SUFU: variants seen among roughly 807,000 people sequenced by gnomAD.
SUFU encodes suppressor of fused homolog.
A neutral mutation model predicts 58.9 loss-of-function variants in SUFU; 7 were observed. That is an observed-to-expected ratio of 0.12 (90% confidence interval 0.07 to 0.22). SUFU has a LOEUF of 0.22. Ranked by LOEUF, SUFU falls within the 10% of genes least tolerant of loss-of-function variation. SUFU has a pLI of 1.00. For synonymous variants in SUFU, 232 were observed against 254.8 expected (o/e 0.91, Z 0.85); for missense variants, 451 against 641.3 (o/e 0.70, Z 3.20).
intron 2 of SUFU, among the ~76,000 whole-genome samples, chr10:102,514,913 C>T (rs1470952441): frequency 1.3e-5 from 2 of 152,248 alleles, no homozygotes; most frequent in Non-Finnish European, 2.9e-5. Context: ...TTTCCCAGGG[C>T]AGGTCATCTG....
chr10:102,606,361 A>G (rs1377156108), intron 8 of SUFU, among the ~76,000 whole-genome samples: 2 of 152,232 alleles, frequency 1.3e-5, no homozygotes, highest in East Asian at 1.9e-4. Context: ...CTCTCAATAT[A>G]GAAGGAATCC....
rs75762873 is a variant in SUFU, at chr10:102,571,724, A to C, written c.455-20858A>C. On this transcript the variant is annotated intron_variant, in intron 3 of 11. Coordinates refer to ENST00000369902, the MANE Select transcript of SUFU (RefSeq NM_016169.4). ...AACAACAACAAAAAATTAGTGGCTT[A>C]AAACCCAATTTCTGTGTGTCTCAAG... Among the ~76,000 whole-genome samples, 1,343 of 152,318 alleles carry C rather than the reference A, an allele frequency of 8.8e-3. 19 individuals carry two copies. Among genetic ancestry groups the C allele is most frequent in the African/African-American group, 0.03 (1,266 of 41,580 alleles).
At position 102,511,577 on chromosome 10, in the gene SUFU, T is replaced by G. The variant is rs769429558; in HGVS notation, c.317+2274T>G. ...TTGTGTTAAATGCTTTACAATCTTATCAGGGTCTCGTTATTCCTATTTTAT... is the reference window on the plus strand; with the variant it reads ...TTGTGTTAAATGCTTTACAATCTTAGCAGGGTCTCGTTATTCCTATTTTAT... On this transcript the variant is annotated intron_variant, in intron 2 of 11. Transcript: ENST00000369902. Among the ~76,000 whole-genome samples the G allele has an allele frequency of 2.0e-5, 3 of 152,214 alleles. No homozygotes were observed. In the South Asian group the frequency reaches 6.2e-4, roughly 32 times the overall value.
At chr10:102,526,245 C>G (rs1323785309) in intron 2 of SUFU, among the ~76,000 whole-genome samples, 1 of 151,434 alleles carries the variant, frequency 6.6e-6, no homozygotes, top group Non-Finnish European at 1.5e-5. Flanking sequence ...GACCCTGTCT[C>G]TTAAAAAAAT....
At chr10:102,539,551 T>G (rs1331213126) in intron 2 of SUFU, among the ~76,000 whole-genome samples, 1 of 152,204 alleles carries the variant, frequency 6.6e-6, no homozygotes, top group Non-Finnish European at 1.5e-5. Flanking sequence ...GTATCTTGTT[T>G]CTCATCAGAT....
intron 2 of SUFU, among the ~76,000 whole-genome samples, chr10:102,526,593 G>A (rs1049408505): frequency 7.2e-5 from 11 of 152,102 alleles, no homozygotes; most frequent in African/African-American, 2.7e-4. Flanking sequence ...ATGGTACTCT[G>A]GAGCTTACAT....
At chr10:102,526,995 T>G (rs1040620136) in intron 2 of SUFU, among the ~76,000 whole-genome samples, 10 of 55,704 alleles carry the variant, frequency 1.8e-4, no homozygotes, top group South Asian at 4.7e-4. Flanking sequence ...TTATTATTGT[T>G]TTTTTTTTTT....
intron 2 of SUFU, among the ~76,000 whole-genome samples, chr10:102,547,851 AAG>A (rs908462738): frequency 6.6e-6 from 1 of 151,258 alleles, no homozygotes; most frequent in Admixed American, 6.6e-5. Flanking sequence ...GAGAGAAAGA[AAG>A]AGAGAAAGAA....
At position 102,546,943 on chromosome 10, in the gene SUFU, AC is replaced by A. The variant is rs533453413; in HGVS notation, c.318-3025del. 1.8e-4 allele frequency among the ~76,000 whole-genome samples: 28 copies of A among 152,312 alleles called. No homozygotes were observed. The South Asian group carries it at 3.5e-3, about 19-fold the overall frequency. ...GACACATGCGTGTGCACGCATGCACACCTCTAGGCGCGTGTGCACGGACCCT... is the reference window on the plus strand; with the variant it reads ...GACACATGCGTGTGCACGCATGCACACTCTAGGCGCGTGTGCACGGACCCT... On this transcript the variant is annotated intron_variant, in intron 2 of 11. Transcript: ENST00000369902.
chr10:102,576,221 C>T (rs904883496), intron 3 of SUFU, among the ~76,000 whole-genome samples: 1 of 152,062 alleles, frequency 6.6e-6, no homozygotes, highest in African/African-American at 2.4e-5. Context: ...TCAGGGCCCT[C>T]GCTAAAGAAA....
chr10:102,547,108 T>C (rs965104004), intron 2 of SUFU, among the ~76,000 whole-genome samples: 6 of 152,250 alleles, frequency 3.9e-5, no homozygotes, highest in Non-Finnish European at 8.8e-5. Context: ...TTAGAAATCA[T>C]GTACGTTTCT....
chr10:102,535,388 A>C (rs573504233), intron 2 of SUFU, among the ~76,000 whole-genome samples: 14 of 152,178 alleles, frequency 9.2e-5, no homozygotes. Flanking sequence ...CAGGAGGCTG[A>C]AGCAGGAGAA....
chr10:102,599,122 A>G (rs190635219), intron 7 of SUFU, among the ~76,000 whole-genome samples: 7 of 152,138 alleles, frequency 4.6e-5, no homozygotes, highest in Non-Finnish European at 7.4e-5. Context: ...GTGTGGAGCC[A>G]TGTTAAGGGT....
At chr10:102,507,524 A>G (rs1335567485) in intron 1 of SUFU, among the ~76,000 whole-genome samples, 1 of 152,264 alleles carries the variant, frequency 6.6e-6, no homozygotes, top group Non-Finnish European at 1.5e-5. Context: ...TAAGGCAGAC[A>G]TGGAGAGTTG....
At position 102,618,935 on chromosome 10, in the gene SUFU, T is replaced by C. The variant is rs553774388; in HGVS notation, c.1296+1507T>C. ...TTCCCAAGTGTCCTCAGGTAGCGTG[T>C]GTGTGTGTGTGTGTGTGTGTGTGTG... On this transcript the variant is annotated intron_variant, in intron 10 of 11. Coordinates refer to ENST00000369902, the MANE Select transcript of SUFU (RefSeq NM_016169.4). 306 of 263,688 alleles carry C rather than the reference T, an allele frequency of 1.2e-3. 1 individual carries two copies. Among genetic ancestry groups the C allele is most frequent in the African/African-American group, 7.0e-3 (228 of 32,520 alleles). The allele number at this position is 263,688 out of a possible 1,614,324, so 16.3% of individuals were successfully genotyped here. A position where few individuals can be genotyped will look rare whatever the true frequency, so the allele number is the denominator to read the frequency against.
At chr10:102,597,801 G>C (rs1175186916) in intron 7 of SUFU, among the ~76,000 whole-genome samples, 1 of 152,240 alleles carries the variant, frequency 6.6e-6, no homozygotes, top group African/African-American at 2.4e-5. Flanking sequence ...TACAGGGTTA[G>C]GGGCTGTGGG....
rs869264798 is a variant in SUFU at position 102,541,697 on chromosome 10, CTTTTTTTT to C, written c.318-8256_318-8249del. ...TGCAGGCGTGAGCCACCGCGCCCGG[CTTTTTTTT>C]TTTTTTTTTTTTTTTTCCTTTTGAG... On this transcript the variant is annotated intron_variant, in intron 2 of 11. Transcript: ENST00000369902. Among the ~76,000 whole-genome samples, 25 of 56,096 alleles carry C rather than the reference CTTTTTTTT, an allele frequency of 4.5e-4. 1 individual carries two copies. Among genetic ancestry groups the C allele is most frequent in the African/African-American group, 1.7e-3 (24 of 13,784 alleles). The allele number at this position is 56,096 out of a possible 152,430, so 36.8% of individuals were successfully genotyped here. A position where few individuals can be genotyped will look rare whatever the true frequency, so the allele number is the denominator to read the frequency against.
intron 3 of SUFU, among the ~76,000 whole-genome samples, chr10:102,585,756 C>A (rs774055953): frequency 6.6e-6 from 1 of 151,940 alleles, no homozygotes; most frequent in Non-Finnish European, 1.5e-5. Context: ...TGGCCTCAAG[C>A]GATCCTCTCA....
At chr10:102,571,841 T>C (rs1239816744) in intron 3 of SUFU, among the ~76,000 whole-genome samples, 1 of 152,198 alleles carries the variant, frequency 6.6e-6, no homozygotes, top group Non-Finnish European at 1.5e-5. Context: ...TCTTTTCTTT[T>C]TTTTCCTTGT....
Sources: gnomAD v4.1 joint callset for allele counts (sites outside exome capture counted in the v4.1 genomes callset) on GRCh38, gnomAD v4.1.1 for gene constraint, MANE v1.5 for transcripts, NCBI Gene and HGNC (gene_info 2026-07-23, HGNC 2026-07-21) for gene names.